Variants in DENND3 observed in about 807,000 individuals in gnomAD.
DENND3 encodes DENN domain-containing protein 3.
Under a neutral mutation model 135.1 loss-of-function variants are expected in DENND3, and 88 were observed. The observed-to-expected ratio is 0.65, with a 90% CI of 0.55 to 0.78. The LOEUF (loss-of-function observed/expected upper bound fraction) is 0.78, where lower values mean the gene tolerates loss of function less well. Among genes scored for constraint, DENND3 ranks in the 30% least tolerant of loss-of-function variants. DENND3 has a pLI of 0.00. For missense variants in DENND3, 1,392 were observed against 1,688.4 expected, an observed-to-expected ratio of 0.82 and a Z score of 3.08; for synonymous variants, 693 against 712.3, an observed-to-expected ratio of 0.97 and a Z score of 0.43.
rs975270548 is a variant in DENND3 at position 141,137,925 on chromosome 8, T to C, written c.386-97T>C. On this transcript the variant is annotated intron_variant, in intron 2 of 22. Coordinates refer to ENST00000519811, the MANE Select transcript of DENND3 (RefSeq NM_001352890.3). This position sits in a 1 kb window ranked among gnomAD's most constrained non-coding sequence, Gnocchi z 4.1. The stretch of plus-strand genomic sequence containing the variant: ...ATGAAGGCACCACCACTGCTAACTG[T>C]GGAGGTGTGTCCTAAACACTGTGAA... 8.1e-7 allele frequency: 1 copy of C among 1,236,330 alleles called. No individual in the cohort carries two copies. Among genetic ancestry groups the C allele is most frequent in the African/African-American group, 1.5e-5 (1 of 66,750 alleles). 76.6% of individuals were successfully genotyped at this position (1,236,330 alleles called of 1,614,324 possible). A position where few individuals can be genotyped will look rare whatever the true frequency, so the allele number is the denominator to read the frequency against.
rs1171505104 is a variant in DENND3 at position 141,151,597 on chromosome 8, G to T, written c.856-22G>T. ...TTTTTTTTTTAAAAGCATGTACTCAGTGCGGCGGGTTCTCCCCTCAGATCC... is the reference window on the plus strand; with the variant it reads ...TTTTTTTTTTAAAAGCATGTACTCATTGCGGCGGGTTCTCCCCTCAGATCC... On this transcript the variant is annotated intron_variant, in intron 6 of 22. Transcript: ENST00000519811. The T allele has an allele frequency of 5.0e-6, 8 of 1,605,764 alleles. No individual in the cohort carries two copies. The African/African-American group carries it at 1.1e-4, about 22-fold the overall frequency.
Position 141,155,853 on chromosome 8 carries a change from C to T in DENND3, c.1079C>T (p.Ala360Val). ...AGATGATTCCTTGTTTTCTAGGAAGCCGACGGTTTAGTTCTGATAAATATT... is the reference window on the plus strand; with the variant it reads ...AGATGATTCCTTGTTTTCTAGGAAGTCGACGGTTTAGTTCTGATAAATATT... Reference protein sequence around the residue: ...LDHFEEVSKEADGLVLINIDH... With the variant: ...LDHFEEVSKEVDGLVLINIDH... The change falls in exon 8 of 23, where the codon GCC becomes GTC. Residue 360 changes from alanine (A) to valine (V), a missense_variant. Transcript: ENST00000519811. 6.3e-7 allele frequency: 1 copy of T among 1,585,778 alleles called. No homozygotes were observed. Among genetic ancestry groups the T allele is most frequent in the South Asian group, 1.2e-5 (1 of 86,586 alleles).
rs566559428 is a variant in DENND3, at chr8:141,130,473, T to C, written c.102+1664T>C. Among the ~76,000 whole-genome samples, 1 of 152,268 alleles carries C rather than the reference T, an allele frequency of 6.6e-6. No homozygotes were observed. Among genetic ancestry groups the C allele is most frequent in the East Asian group, 1.9e-4 (1 of 5,182 alleles). On this transcript the variant is annotated intron_variant, in intron 1 of 22. Coordinates refer to ENST00000519811, the MANE Select transcript of DENND3 (RefSeq NM_001352890.3). This position sits in a 1 kb window ranked among gnomAD's most constrained non-coding sequence, Gnocchi z 4.2. ...TGTGCATGCTTAACTTTGTCCTCTT[T>C]ACTCTGTCTTTTGATTCTGTTAGGG...
intron 17 of DENND3, among the ~76,000 whole-genome samples, chr8:141,183,889 C>A (rs1023702022): frequency 6.6e-6 from 1 of 152,168 alleles, no homozygotes; most frequent in Non-Finnish European, 1.5e-5. Flanking sequence ...AGGCCGCCAC[C>A]GCCCAGGCAG....
chr8:141,135,117 T>A (rs1003250451), intron 1 of DENND3, among the ~76,000 whole-genome samples: 3 of 152,006 alleles, frequency 2.0e-5, no homozygotes, highest in African/African-American at 4.8e-5. Flanking sequence ...ATTACAGGCA[T>A]GAGCCACCGC....
intron 5 of DENND3, among the ~76,000 whole-genome samples, chr8:141,150,113 T>C (rs893847932): frequency 9.2e-5 from 14 of 152,236 alleles, no homozygotes; most frequent in Admixed American, 2.6e-4. Flanking sequence ...TCCATTACGC[T>C]CGTTTCCTGG....
intron 8 of DENND3, among the ~76,000 whole-genome samples, chr8:141,159,725 T>C: frequency 6.6e-6 from 1 of 152,238 alleles, no homozygotes; most frequent in East Asian, 1.9e-4. Flanking sequence ...TTTGTATATT[T>C]CTAACGTCCC....
At chr8:141,183,186 A>C (rs1823399772) in intron 17 of DENND3, among the ~76,000 whole-genome samples, 1 of 152,200 alleles carries the variant, frequency 6.6e-6, no homozygotes, top group Non-Finnish European at 1.5e-5. Flanking sequence ...AAAATGCATA[A>C]ATTATATATA....
chr8:141,168,471 G>A lies in DENND3; in HGVS notation c.2221G>A (p.Gly741Arg), dbSNP rs1390110778. 1 of 1,613,448 alleles carries A rather than the reference G, an allele frequency of 6.2e-7. No homozygotes were observed. The highest frequency in any genetic ancestry group is 1.3e-5 in the African/African-American group (1 of 74,924). Residue 741 changes from glycine to arginine, a missense_variant, in exon 13 of 23, where the codon GGG becomes AGG. Transcript: ENST00000519811. This position sits in a 1 kb window ranked among gnomAD's most constrained non-coding sequence, Gnocchi z 6.2. ...GDFMKRVQES[G>R]IVKDASIIHR... ...CTTCATGAAGCGGGTCCAGGAGTCA[G>A]GGATCGTGAAGGACGCCAGCATCAT...
rs1425421437 is a variant in DENND3, at chr8:141,138,133, T to G, written c.497T>G (p.Leu166Arg). Residue 166 changes from leucine to arginine, a missense_variant, in exon 3 of 23, where the codon CTG (leucine) becomes CGG (arginine). Transcript: ENST00000519811. The surrounding 1 kb of genome is among the most constrained non-coding windows in gnomAD (Gnocchi z 4.8). ...GTGGTGGCCCAGTACTACCGGCCCC[T>G]GCATGTAGGTGGTTCCCGTTACTCC... The part of the protein sequence containing the change: ...YGVVAQYYRP[L>R]HDEYCFYNGK... 6.2e-7 allele frequency: 1 copy of G among 1,600,840 alleles called. No individual in the cohort carries two copies. Among genetic ancestry groups the G allele is most frequent in the Non-Finnish European group, 8.5e-7 (1 of 1,172,830 alleles).
At chr8:141,160,558 G>T in intron 8 of DENND3, 74 bp from the exon 9 acceptor site, 1 of 1,441,512 alleles carries the variant, frequency 6.9e-7, no homozygotes. Flanking sequence ...CATTTACCTG[G>T]TGGGCTGTGT....
rs923927516 is a variant in DENND3, at chr8:141,195,366, C to T, written c.*1133C>T. 2 of 152,294 alleles carry T rather than the reference C, an allele frequency of 1.3e-5. No homozygotes were observed. Among genetic ancestry groups the T allele is most frequent in the Non-Finnish European group, 2.9e-5 (2 of 68,076 alleles). The allele number at this position is 152,294 out of a possible 1,614,324, so 9.4% of individuals were successfully genotyped here. ...GGAGCTCCAGCTTCTCAGGACAAAG[C>T]CCCGGGGCTGGCGCATCCTGAGGGT... On this transcript the variant is annotated 3_prime_UTR_variant, in exon 23 of 23. Transcript: ENST00000519811.
In DENND3 at chr8:141,150,834, G is replaced by A; in HGVS notation, c.736G>A (p.Val246Ile). Residue 246 changes from valine to isoleucine, a missense_variant and splice_region_variant, in exon 6 of 23, where the codon GTA becomes ATA. Physicochemically the swap from Val to Ile is conservative, Grantham distance 29. Coordinates refer to ENST00000519811, the MANE Select transcript of DENND3 (RefSeq NM_001352890.3). ...PSPPPGPLHL[V>I]FNMKSLQIVL... ...TAATGACGGGAACTGGTTGTCGTAG[G>A]TATTTAACATGAAGTCGCTCCAGAT... 6.3e-7 allele frequency: 1 copy of A among 1,597,260 alleles called. No homozygotes were observed. Among genetic ancestry groups the A allele is most frequent in the Non-Finnish European group, 8.5e-7 (1 of 1,173,946 alleles).
rs748082907 is a variant in DENND3, at chr8:141,180,808, G to A, written c.2898G>A (p.Ala966=). Residue 966 remains alanine, a synonymous_variant, in exon 17 of 23, where the codon GCG becomes GCA. Transcript: ENST00000519811. The part of the protein sequence containing the change: ...ETLKHKINPS[A]GEAFPQAVDV... ...TGAAGCATAAAATCAACCCCTCGGC[G>A]GGGGAGGCGTTCCCACAAGCGGTGG... 2.2e-5 allele frequency: 36 copies of A among 1,613,184 alleles called. No individual in the cohort carries two copies. Among genetic ancestry groups the A allele is most frequent in the South Asian group, 5.5e-5 (5 of 90,896 alleles).
chr8:141,185,012 C>T (rs976779075), intron 17 of DENND3, 127 bp from the exon 18 acceptor site: 46 of 1,241,348 alleles, frequency 3.7e-5, no homozygotes, highest in African/African-American at 1.4e-4. Context: ...CGTCTTTGTA[C>T]GTACAGCACC....
rs570633997 is a variant in DENND3 at position 141,166,920 on chromosome 8, TGGGGAGGTA to T, written c.1753+532_1753+540del. Among the ~76,000 whole-genome samples, 2,120 of 152,198 alleles carry T rather than the reference TGGGGAGGTA, an allele frequency of 0.014. 47 individuals carry two copies. The highest frequency in any genetic ancestry group is 0.048 in the African/African-American group (1,997 of 41,532). On this transcript the variant is annotated intron_variant, in intron 12 of 22. Transcript: ENST00000519811. The surrounding 1 kb of genome is among the most constrained non-coding windows in gnomAD (Gnocchi z 4.3). ...GGCCAAGCCCAGCCTCGCGCCTTCT[TGGGGAGGTA>T]CGTCCTGTCCCTAGTGAATGGGAGA...
At chr8:141,176,981 G>GAA in intron 15 of DENND3, 1 of 559,888 alleles carries the variant, frequency 1.8e-6, no homozygotes, top group Non-Finnish European at 3.1e-6. Context: ...AGCATGATGA[G>GAA]AAAACGCAGG....
rs201755042 is a variant in DENND3 at position 141,155,811 on chromosome 8, C to A, written c.1075-38C>A. The A allele has an allele frequency of 4.8e-4, 737 of 1,548,070 alleles. 1 individual carries two copies. The highest frequency in any genetic ancestry group is 5.9e-4 in the Non-Finnish European group (676 of 1,144,306). On this transcript the variant is annotated intron_variant, in intron 7 of 22. Transcript: ENST00000519811. The stretch of plus-strand genomic sequence containing the variant: ...AAAGAGGTATACAAATTCCGAAATT[C>A]TTTTATCAATCTTTACAGATGATTC...
chr8:141,156,625 G>A (rs371830348), intron 8 of DENND3, among the ~76,000 whole-genome samples: 32 of 152,050 alleles, frequency 2.1e-4, no homozygotes, highest in African/African-American at 7.5e-4. Context: ...TCGTATACCC[G>A]GAATTGGGCA....
Sources: allele counts gnomAD v4.1 joint callset (sites outside exome capture counted in the v4.1 genomes callset), GRCh38; gene constraint gnomAD v4.1.1; non-coding constraint Gnocchi (gnomAD v3.1); transcripts MANE v1.5; gene names NCBI Gene and HGNC (gene_info 2026-07-23, HGNC 2026-07-21).